Variants in PPP2R5D observed in about 807,000 individuals in gnomAD.
PPP2R5D encodes serine/threonine-protein phosphatase 2A 56 kDa regulatory subunit delta isoform.
PPP2R5D carries 12 observed loss-of-function variants against 79.1 expected under a neutral mutation model. The observed-to-expected ratio is 0.15, with a 90% confidence interval of 0.10 to 0.25. The LOEUF (loss-of-function observed/expected upper bound fraction) is 0.25, where lower values mean the gene tolerates loss of function less well. Ranked by LOEUF, PPP2R5D falls within the 10% of genes least tolerant of loss-of-function variation. The pLI, the probability that PPP2R5D is intolerant of heterozygous loss-of-function variation, is 1.00. For synonymous variants in PPP2R5D, 277 were observed against 286.6 expected (o/e 0.97, Z 0.34); for missense variants, 419 against 760.2 (o/e 0.55, Z 5.28).
chr6:42,989,755 G>GGTA (rs1771124211), intron 2 of PPP2R5D, 67 bp downstream of exon 2: 1 of 1,460,910 alleles, frequency 6.8e-7, no homozygotes, highest in South Asian at 1.2e-5. Context: ...ATGGCTAGTT[G>GGTA]GGTAGGGGAT....
intron 2 of PPP2R5D, among the ~76,000 whole-genome samples, chr6:43,004,650 CT>C (rs1485111648): frequency 6.7e-6 from 1 of 149,946 alleles, no homozygotes; most frequent in African/African-American, 2.5e-5. Context: ...ATTCTTATGC[CT>C]TTCTGCAGAC....
At chr6:43,003,423 AAAAT>A (rs1581842258) in intron 2 of PPP2R5D, among the ~76,000 whole-genome samples, 1 of 152,186 alleles carries the variant, frequency 6.6e-6, no homozygotes, top group East Asian at 1.9e-4. Context: ...CTCCATCTCA[AAAAT>A]AAATAAATAA....
chr6:42,993,898 CTATG>C (rs1490143665), intron 2 of PPP2R5D, among the ~76,000 whole-genome samples: 5 of 152,214 alleles, frequency 3.3e-5, no homozygotes, highest in Non-Finnish European at 1.5e-5. Context: ...CTGTGCAACA[CTATG>C]TACCAGGCAC....
Position 42,998,097 on chromosome 6 carries a change from C to T in PPP2R5D, c.106-8366C>T, listed in dbSNP as rs1230483400. On this transcript the variant is annotated intron_variant, in intron 2 of 15. Transcript: ENST00000485511. Reference sequence around the variant, plus strand: ...TTTTTTTTTTTTTTTTTTTTTGAGACGGAGTCTCACTCTGTCACCCGGGCT... The same window carrying T: ...TTTTTTTTTTTTTTTTTTTTTGAGATGGAGTCTCACTCTGTCACCCGGGCT... Among the ~76,000 whole-genome samples, 170 of 56,760 alleles carry T rather than the reference C, an allele frequency of 3.0e-3. 1 individual carries two copies. The highest frequency in any genetic ancestry group is 9.8e-3 in the African/African-American group (162 of 16,496). The allele number at this position is 56,760 out of a possible 152,430, so 37.2% of individuals were successfully genotyped here.
At position 43,006,034 on chromosome 6, in the gene PPP2R5D, G is replaced by A. The variant is rs1217879134; in HGVS notation, c.106-429G>A. Among the ~76,000 whole-genome samples, 1 of 152,188 alleles carries A rather than the reference G, an allele frequency of 6.6e-6. No individual in the cohort carries two copies. The highest frequency in any genetic ancestry group is 1.5e-5 in the Non-Finnish European group (1 of 68,042). ...TGCACCACCTTGCAGGTCCAGTCAA[G>A]ATACAGGATGTTTACATTACTCAGA... On this transcript the variant is annotated intron_variant, in intron 2 of 15. Transcript: ENST00000485511. This position sits in a 1 kb window ranked among gnomAD's most constrained non-coding sequence, Gnocchi z 4.7.
chr6:43,007,832 C>T lies in PPP2R5D; in HGVS notation c.727-103C>T. The T allele has an allele frequency of 6.8e-7, 1 of 1,469,184 alleles. No individual in the cohort carries two copies. The highest frequency in any genetic ancestry group is 9.4e-7 in the Non-Finnish European group (1 of 1,060,572). The allele number at this position is 1,469,184 out of a possible 1,614,324, so 91.0% of individuals were successfully genotyped here. On this transcript the variant is annotated intron_variant, in intron 6 of 15. Transcript: ENST00000485511. The surrounding 1 kb of genome is among the most constrained non-coding windows in gnomAD (Gnocchi z 4.5). ...TTTCTAAGACTTGCTGGCCCCCACTCCAGGGGACCTCTGCATTTCCCCTGG... is the reference window on the plus strand; with the variant it reads ...TTTCTAAGACTTGCTGGCCCCCACTTCAGGGGACCTCTGCATTTCCCCTGG...
chr6:43,010,604 C>T lies in PPP2R5D; in HGVS notation c.1481+35C>T, dbSNP rs2150283162. The T allele has an allele frequency of 1.2e-6, 2 of 1,612,930 alleles. No individual in the cohort carries two copies. Among genetic ancestry groups the T allele is most frequent in the East Asian group, 2.2e-5 (1 of 44,876 alleles). On this transcript the variant is annotated intron_variant, in intron 13 of 15. Transcript: ENST00000485511. The surrounding 1 kb of genome is among the most constrained non-coding windows in gnomAD (Gnocchi z 4.7). Reference sequence around the variant, plus strand: ...TCTCTCCCCGGGAGACTTTCATCTTCTACCACCAGCTCACTGTGTTTCTCT... The same window carrying T: ...TCTCTCCCCGGGAGACTTTCATCTTTTACCACCAGCTCACTGTGTTTCTCT...
chr6:42,998,222 G>A (rs546586986), intron 2 of PPP2R5D, among the ~76,000 whole-genome samples: 135 of 149,260 alleles, frequency 9.0e-4, no homozygotes, highest in African/African-American at 3.1e-3. Context: ...ATACAGGTGC[G>A]TGCCACCACG....
In PPP2R5D at chr6:43,008,983, G is replaced by C. The variant is rs1387625243; in HGVS notation, c.1081-74G>C. On this transcript the variant is annotated intron_variant, in intron 10 of 15. Coordinates refer to ENST00000485511, the MANE Select transcript of PPP2R5D (RefSeq NM_006245.4). This position sits in a 1 kb window ranked among gnomAD's most constrained non-coding sequence, Gnocchi z 4.2. The stretch of plus-strand genomic sequence containing the variant: ...TGTGCCCACCAGGGTGGGGGAGAGA[G>C]CAGGTAGGAAAACTTCCTGGTGACC... 6.5e-7 allele frequency: 1 copy of C among 1,527,850 alleles called. No homozygotes were observed. The highest frequency in any genetic ancestry group is 8.9e-7 in the Non-Finnish European group (1 of 1,118,160). The allele number at this position is 1,527,850 out of a possible 1,614,324, so 94.6% of individuals were successfully genotyped here.
intron 2 of PPP2R5D, among the ~76,000 whole-genome samples, chr6:42,993,326 C>T (rs147494479): frequency 0.018 from 2,775 of 151,522 alleles, 40 homozygotes; most frequent in Middle Eastern, 0.045. Flanking sequence ...AAAAATTAGC[C>T]GGGCGTAGTG....
rs145684342 is a variant in PPP2R5D, at chr6:43,012,116, C to T, written c.*830C>T. On this transcript the variant is annotated 3_prime_UTR_variant, in exon 16 of 16. Coordinates refer to ENST00000485511, the MANE Select transcript of PPP2R5D (RefSeq NM_006245.4). ...GGCTCCTGCCAACACCTATTTATTT[C>T]CTTGTTTGTGCTATGCTGGGCAGGC... 1.7e-3 allele frequency: 1,329 copies of T among 784,718 alleles called. 16 individuals are homozygous for T. In the African/African-American group the frequency reaches 0.024, roughly 14 times the overall value. The allele number at this position is 784,718 out of a possible 1,614,324, so 48.6% of individuals were successfully genotyped here.
At position 42,990,772 on chromosome 6, in the gene PPP2R5D, C is replaced by T. The variant is rs1278319861; in HGVS notation, c.105+1084C>T. The stretch of plus-strand genomic sequence containing the variant: ...TTGCCCAGGCTGGAGTGCAATGGTA[C>T]GATCTCGGCTCACTGCAACCTCCAC... On this transcript the variant is annotated intron_variant, in intron 2 of 15. Coordinates refer to ENST00000485511, the MANE Select transcript of PPP2R5D (RefSeq NM_006245.4). Among the ~76,000 whole-genome samples the T allele has an allele frequency of 2.4e-4, 31 of 129,234 alleles. 1 individual carries two copies. The Admixed American group carries it at 2.7e-3, about 11-fold the overall frequency. 84.8% of individuals were successfully genotyped at this position (129,234 alleles called of 152,430 possible). A position where few individuals can be genotyped will look rare whatever the true frequency, so the allele number is the denominator to read the frequency against.
Position 43,012,215 on chromosome 6 carries a change from A to T in PPP2R5D, c.*929A>T. 1 of 1,181,842 alleles carries T rather than the reference A, an allele frequency of 8.5e-7. No individual in the cohort carries two copies. The highest frequency in any genetic ancestry group is 3.9e-5 in the East Asian group (1 of 25,512). 73.2% of individuals were successfully genotyped at this position (1,181,842 alleles called of 1,614,324 possible). On this transcript the variant is annotated 3_prime_UTR_variant, in exon 16 of 16. Coordinates refer to ENST00000485511, the MANE Select transcript of PPP2R5D (RefSeq NM_006245.4). ...GGCCGGACCCAGGTTCCAGGGGCGC[A>T]GGCAGTGCGGCTTTTGGCTGTGTAC... is the stretch of plus-strand genomic sequence containing the variant.
At chr6:43,003,658 T>C (rs1761898783) in intron 2 of PPP2R5D, among the ~76,000 whole-genome samples, 2 of 152,208 alleles carry the variant, frequency 1.3e-5, no homozygotes, top group African/African-American at 2.4e-5. Flanking sequence ...TTTTTGGTTC[T>C]GTGCATGTGT....
Position 42,998,015 on chromosome 6 carries a change from TTATATATATATA to T in PPP2R5D, c.105+8359_105+8370del, listed in dbSNP as rs1561843629. Among the ~76,000 whole-genome samples the T allele has an allele frequency of 5.4e-3, 174 of 32,294 alleles. 3 individuals are homozygous for T. Among genetic ancestry groups the T allele is most frequent in the South Asian group, 0.033 (26 of 784 alleles). The allele number at this position is 32,294 out of a possible 152,430, so 21.2% of individuals were successfully genotyped here. On this transcript the variant is annotated intron_variant, in intron 2 of 15. Transcript: ENST00000485511. Reference sequence around the variant, plus strand: ...TTATATTTGAATATTTGGGTTTTATTTATATATATATATATATATATATATATATATATATAT... The same window carrying T: ...TTATATTTGAATATTTGGGTTTTATTTATATATATATATATATATATATAT...
intron 2 of PPP2R5D, among the ~76,000 whole-genome samples, chr6:42,999,537 T>C (rs1016834600): frequency 6.6e-6 from 1 of 152,084 alleles, no homozygotes; most frequent in African/African-American, 2.4e-5. Flanking sequence ...TATCAGCTCA[T>C]TGGGTGGTTT....
rs1761973135 is a variant in PPP2R5D, at chr6:43,004,773, T to G, written c.106-1690T>G. 2.6e-5 allele frequency among the ~76,000 whole-genome samples: 4 copies of G among 151,122 alleles called. No individual in the cohort carries two copies. The South Asian group carries it at 8.3e-4, about 32-fold the overall frequency. On this transcript the variant is annotated intron_variant, in intron 2 of 15. Coordinates refer to ENST00000485511, the MANE Select transcript of PPP2R5D (RefSeq NM_006245.4). ...AGTTTTCTTTTCTTTTTTTTTTTTT[T>G]GAGGCAGAGTCTCACTCTGTCATCC... is the stretch of plus-strand genomic sequence containing the variant.
intron 2 of PPP2R5D, among the ~76,000 whole-genome samples, chr6:42,993,157 C>A (rs569212179): frequency 4.7e-4 from 71 of 151,898 alleles, no homozygotes; most frequent in African/African-American, 1.5e-3. Flanking sequence ...ATTAGCCAGG[C>A]GTGGTGGCAC....
chr6:43,011,179 C>G lies in PPP2R5D; in HGVS notation c.1702C>G (p.Leu568Val). Residue 568 changes from leucine (L) to valine (V), a missense_variant, in exon 16 of 16, where the codon CTG becomes GTG. Around this residue, in one of 5 missense-constraint regions of PPP2R5D, gnomAD observed 84 missense variants for 105.4 expected, o/e 0.80. Transcript: ENST00000485511. ...AAAAGACATCAAGAAGGAGAAAGTG[C>G]TGCTGCGGAGGAAGTCGGAGCTGCC... ...MLKDIKKEKV[L>V]LRRKSELPQD... 1 of 1,614,130 alleles carries G rather than the reference C, an allele frequency of 6.2e-7. No homozygotes were observed. Among genetic ancestry groups the G allele is most frequent in the Non-Finnish European group, 8.5e-7 (1 of 1,180,012 alleles).
Sources: gnomAD v4.1 joint callset for allele counts (sites outside exome capture counted in the v4.1 genomes callset) on GRCh38, gnomAD v4.1.1 for gene constraint, gnomAD v4.1.1 regional missense constraint, Gnocchi (gnomAD v3.1) non-coding constraint, MANE v1.5 for transcripts, NCBI Gene and HGNC (gene_info 2026-07-23, HGNC 2026-07-21) for gene names.